TSPAN12: variants seen among roughly 807,000 people sequenced by gnomAD.
TSPAN12 encodes the protein tetraspanin-12.
In TSPAN12, 19 loss-of-function variants were observed where a neutral mutation model predicts 39.2. The observed-to-expected ratio is 0.49, with a 90% CI of 0.34 to 0.71. The LOEUF (loss-of-function observed/expected upper bound fraction) is 0.71. Ranked by LOEUF, TSPAN12 falls within the 30% of genes least tolerant of loss-of-function variation. TSPAN12 has a pLI of 0.01. For synonymous variants in TSPAN12, 119 were observed against 124.8 expected (o/e 0.95, Z 0.31); for missense variants, 314 against 359.9 (o/e 0.87, Z 1.03).
intron 3 of TSPAN12, among the ~76,000 whole-genome samples, chr7:120,839,221 T>C (rs112305705): frequency 1.4e-4 from 21 of 152,186 alleles, no homozygotes; most frequent in African/African-American, 5.1e-4. Context: ...TCCGAAGCCT[T>C]AGCCTAAGTA....
At chr7:120,844,498 G>GGC (rs1794636128) in intron 2 of TSPAN12, among the ~76,000 whole-genome samples, 1 of 152,198 alleles carries the variant, frequency 6.6e-6, no homozygotes, top group Non-Finnish European at 1.5e-5. Flanking sequence ...TGGAGGTACA[G>GGC]GCATTCACTA....
chr7:120,826,084 G>A (rs1794281121), intron 4 of TSPAN12, among the ~76,000 whole-genome samples: 1 of 152,074 alleles, frequency 6.6e-6, no homozygotes, highest in Non-Finnish European at 1.5e-5. Flanking sequence ...GGTCCTTTGT[G>A]CATGCTTGTA....
At chr7:120,852,209 A>C (rs1381895766) in intron 2 of TSPAN12, among the ~76,000 whole-genome samples, 1 of 151,914 alleles carries the variant, frequency 6.6e-6, no homozygotes, top group African/African-American at 2.4e-5. Context: ...CTAAAATCCT[A>C]GTGGGGTAGA....
chr7:120,801,026 T>C (rs1793759494), intron 7 of TSPAN12, among the ~76,000 whole-genome samples: 2 of 152,114 alleles, frequency 1.3e-5, no homozygotes, highest in African/African-American at 4.8e-5. Context: ...CCACAAGTGA[T>C]CCACCCGCCC....
In TSPAN12 at chr7:120,788,843, G is replaced by T. The variant is rs754107565; in HGVS notation, c.667C>A (p.Leu223Met). 14 of 1,613,998 alleles carry T rather than the reference G, an allele frequency of 8.7e-6. No homozygotes were observed. In the African/African-American group the frequency reaches 1.3e-4, roughly 15 times the overall value. The change falls in exon 8 of 8, where the codon CTG becomes ATG. Residue 223 changes from leucine to methionine, a missense_variant. Coordinates refer to ENST00000222747, the MANE Select transcript of TSPAN12 (RefSeq NM_012338.4). ...CCAATGGAGATTCCCAGAAACCTCA[G>T]CACCTGCAGTTGTTTGGTTCCTCTC... ...FLRGTKQLQV[L>M]RFLGISIGVT...
chr7:120,823,675 G>A (rs1794230254), intron 4 of TSPAN12, among the ~76,000 whole-genome samples: 1 of 152,158 alleles, frequency 6.6e-6, no homozygotes, highest in African/African-American at 2.4e-5. Flanking sequence ...AAAACTAAAA[G>A]AAGAGTTACA....
chr7:120,800,302 TG>T lies in TSPAN12; in HGVS notation c.612+6246del, dbSNP rs540753515. On this transcript the variant is annotated intron_variant, in intron 7 of 7. Transcript: ENST00000222747. Reference sequence around the variant, plus strand: ...ACAGTTTCTCTCCATGACCAAACTCTGTTCAGGCTCCACTGAGTTCTTTTTC... The same window carrying T: ...ACAGTTTCTCTCCATGACCAAACTCTTTCAGGCTCCACTGAGTTCTTTTTC... Among the ~76,000 whole-genome samples, 30 of 152,242 alleles carry T rather than the reference TG, an allele frequency of 2.0e-4. No individual in the cohort carries two copies. The South Asian group carries it at 2.5e-3, about 13-fold the overall frequency.
intron 7 of TSPAN12, among the ~76,000 whole-genome samples, chr7:120,804,859 G>A (rs1371515166): frequency 6.6e-6 from 1 of 152,078 alleles, no homozygotes; most frequent in African/African-American, 2.4e-5. Flanking sequence ...ACCATGTGAA[G>A]ATGAAACAGA....
At chr7:120,797,983 G>A (rs764306094) in intron 7 of TSPAN12, among the ~76,000 whole-genome samples, 14 of 152,030 alleles carry the variant, frequency 9.2e-5, no homozygotes, top group East Asian at 1.9e-4. Flanking sequence ...TTGTTATTTC[G>A]TAAGGTACTT....
At chr7:120,799,731 TCA>T (rs2116323299) in intron 7 of TSPAN12, among the ~76,000 whole-genome samples, 1 of 130,390 alleles carries the variant, frequency 7.7e-6, no homozygotes, top group African/African-American at 2.9e-5. Flanking sequence ...TTATTATATT[TCA>T]TTTATTTATA....
In TSPAN12 at chr7:120,788,613, G is replaced by T. The variant is rs764925169; in HGVS notation, c.897C>A (p.His299Gln). ...CTTTTTATAACTCCTCCATCTCAAAGTGTGTATTAAAGCTGTTTGCCATGG... is the reference window on the plus strand; with the variant it reads ...CTTTTTATAACTCCTCCATCTCAAATTGTGTATTAAAGCTGTTTGCCATGG... ...HTSMANSFNT[H>Q]FEMEEL The change falls in exon 8 of 8, where the codon CAC becomes CAA. Residue 299 changes from histidine (H) to glutamine (Q), a missense_variant. Coordinates refer to ENST00000222747, the MANE Select transcript of TSPAN12 (RefSeq NM_012338.4). The T allele has an allele frequency of 3.7e-6, 6 of 1,614,094 alleles. No homozygotes were observed. In the Admixed American group the frequency reaches 1.0e-4, roughly 27 times the overall value.
At chr7:120,804,955 C>T (rs1404963883) in intron 7 of TSPAN12, among the ~76,000 whole-genome samples, 1 of 152,058 alleles carries the variant, frequency 6.6e-6, no homozygotes, top group Non-Finnish European at 1.5e-5. Context: ...AAATAGATTT[C>T]TCCTCATGGC....
At chr7:120,826,491 C>A (rs1794289446) in intron 4 of TSPAN12, among the ~76,000 whole-genome samples, 1 of 152,160 alleles carries the variant, frequency 6.6e-6, no homozygotes, top group South Asian at 2.1e-4. Context: ...GGTATCTATA[C>A]AGATTATTGG....
intron 2 of TSPAN12, among the ~76,000 whole-genome samples, chr7:120,856,132 C>A (rs1021774594): frequency 1.3e-5 from 2 of 152,108 alleles, no homozygotes; most frequent in African/African-American, 4.8e-5. Context: ...ACACACAATT[C>A]CTTAAACTTT....
At chr7:120,840,299 A>G (rs1584949278) in intron 2 of TSPAN12, among the ~76,000 whole-genome samples, 190 bp from the exon 3 acceptor site, 3 of 152,208 alleles carry the variant, frequency 2.0e-5, no homozygotes, top group Admixed American at 2.0e-4. Flanking sequence ...CACCAAATGG[A>G]ATACCACCCA....
chr7:120,857,970 C>CCGCCGCCGT lies in TSPAN12; in HGVS notation c.-230_-222dup, dbSNP rs1274374260. On this transcript the variant is annotated 5_prime_UTR_variant, in exon 1 of 8. Transcript: ENST00000222747. ...GCTTCTTTCTCTTCCTCTCCCCCCGCCGCCGCCGTCGCCGCCTCCTGGGAA... is the reference window on the plus strand; with the variant it reads ...GCTTCTTTCTCTTCCTCTCCCCCCGCCGCCGCCGTCGCCGCCGTCGCCGCCTCCTGGGAA... 6.5e-6 allele frequency: 1 copy of CCGCCGCCGT among 154,456 alleles called. No individual in the cohort carries two copies. The highest frequency in any genetic ancestry group is 1.4e-5 in the Non-Finnish European group (1 of 69,796). 9.6% of individuals were successfully genotyped at this position (154,456 alleles called of 1,614,324 possible).
At chr7:120,806,764 C>G (rs1793883179) in intron 6 of TSPAN12, 72 bp from the exon 7 acceptor site, 1 of 1,593,170 alleles carries the variant, frequency 6.3e-7, no homozygotes, top group Non-Finnish European at 8.6e-7. Context: ...GATTAAACAT[C>G]AGTTTTTTAA....
chr7:120,827,331 A>G (rs1584941921), intron 4 of TSPAN12, among the ~76,000 whole-genome samples: 1 of 152,246 alleles, frequency 6.6e-6, no homozygotes, highest in African/African-American at 2.4e-5. Context: ...ATAAATATGT[A>G]TTACAAGTAA....
chr7:120,827,553 A>T, intron 4 of TSPAN12, among the ~76,000 whole-genome samples: 1 of 152,246 alleles, frequency 6.6e-6, no homozygotes, highest in East Asian at 1.9e-4. Flanking sequence ...CCAAAACATC[A>T]GTAATTCAGT....
Sources: allele counts gnomAD v4.1 joint callset (sites outside exome capture counted in the v4.1 genomes callset), GRCh38; gene constraint gnomAD v4.1.1; transcripts MANE v1.5; gene names NCBI Gene and HGNC (gene_info 2026-07-23, HGNC 2026-07-21).